The following KIF22 variants were observed in gnomAD, a reference collection of about 807,000 sequenced individuals.
KIF22 encodes the protein kinesin-like protein KIF22.
A neutral mutation model predicts 73.0 loss-of-function variants in KIF22; 62 were observed. That is an observed-to-expected ratio of 0.85 (90% CI 0.69 to 1.05). The LOEUF is 1.05. KIF22 is among the 50% of genes least tolerant of loss of function. The pLI is 0.00. For synonymous variants in KIF22, 411 were observed against 340.1 expected (o/e 1.21, Z -2.29); for missense variants, 854 against 870.1 (o/e 0.98, Z 0.23).
intron 1 of KIF22, among the ~76,000 whole-genome samples, chr16:29,795,024 T>TCC (rs758343858): frequency 2.6e-4 from 40 of 152,334 alleles, no homozygotes; most frequent in Non-Finnish European, 4.6e-4. Flanking sequence ...ATTACTGACT[T>TCC]CCCCTTCCCC....
intron 10 of KIF22, 49 bp downstream of exon 10, chr16:29,803,657 AAGGG>A: frequency 6.9e-7 from 1 of 1,447,962 alleles, no homozygotes; most frequent in Non-Finnish European, 9.5e-7. Context: ...GAGATCCTAT[AAGGG>A]AGGAAGTGTT....
rs774254625 is a variant in KIF22, at chr16:29,805,287, G to C, written c.1975G>C (p.Gly659Arg). ...LKANILGLAA[G>R]QRCGAS ...GGCAAACATCCTGGGTCTCGCCGCC[G>C]GCCAGCGCTGTGGCGCCTCCTGACC... The change falls in exon 14 of 14, where the codon GGC becomes CGC. Residue 659 changes from glycine to arginine, a missense_variant. By Grantham distance (125) the Gly-to-Arg change is moderately radical. Around this residue, in one of 3 missense-constraint regions of KIF22, gnomAD observed 423 missense variants for 365.4 expected, o/e 1.16. Coordinates refer to ENST00000160827, the MANE Select transcript of KIF22 (RefSeq NM_007317.3). The C allele has an allele frequency of 5.0e-6, 8 of 1,613,776 alleles. No individual in the cohort carries two copies. The highest frequency in any genetic ancestry group is 3.3e-5 in the Admixed American group (2 of 60,030).
chr16:29,793,508 A>G (rs1898872690), intron 1 of KIF22, among the ~76,000 whole-genome samples: 1 of 152,210 alleles, frequency 6.6e-6, no homozygotes, highest in African/African-American at 2.4e-5. Context: ...AACGTGCAAT[A>G]GGACTTATCA....
intron 11 of KIF22, chr16:29,804,364 A>G (rs567714599): frequency 1.7e-6 from 1 of 601,728 alleles, no homozygotes; most frequent in East Asian, 2.7e-5. Context: ...TAAGCAGTCA[A>G]GCAAGAAACC....
At position 29,797,877 on chromosome 16, in the gene KIF22, C is replaced by G. The variant is rs1400024273; in HGVS notation, c.267-497C>G. ...TGGATAGGTGATTGGTATGTAGAGT[C>G]TAGTTCAGTCATAAGCAGCATCCTC... On this transcript the variant is annotated intron_variant, in intron 2 of 13. Coordinates refer to ENST00000160827, the MANE Select transcript of KIF22 (RefSeq NM_007317.3). This position sits in a 1 kb window ranked among gnomAD's most constrained non-coding sequence, Gnocchi z 4.1. Among the ~76,000 whole-genome samples, 1 of 152,170 alleles carries G rather than the reference C, an allele frequency of 6.6e-6. No homozygotes were observed. Among genetic ancestry groups the G allele is most frequent in the Non-Finnish European group, 1.5e-5 (1 of 68,040 alleles).
At chr16:29,795,887 CAAGAG>C (rs1339191346) in intron 1 of KIF22, among the ~76,000 whole-genome samples, 1 of 152,096 alleles carries the variant, frequency 6.6e-6, no homozygotes, top group Non-Finnish European at 1.5e-5. Flanking sequence ...AATTCCCCAT[CAAGAG>C]AAGATCATCA....
At chr16:29,802,664 G>A (rs1899181796) in intron 8 of KIF22, 105 bp from the exon 9 acceptor site, 9 of 1,088,636 alleles carry the variant, frequency 8.3e-6, no homozygotes, top group Non-Finnish European at 1.2e-5. Flanking sequence ...ATTAGGTTCT[G>A]GAGCTACAGG....
At position 29,805,371 on chromosome 16, in the gene KIF22, G is replaced by C. The variant is rs1899352159; in HGVS notation, c.*61G>C. 3 of 1,553,190 alleles carry C rather than the reference G, an allele frequency of 1.9e-6. No individual in the cohort carries two copies. In the South Asian group the frequency reaches 3.3e-5, roughly 17 times the overall value. The stretch of plus-strand genomic sequence containing the variant: ...TATAACCCCGTGTTGTGTAAATACA[G>C]TTTTTGCTCCGGTGCTTCCGCCTGA... On this transcript the variant is annotated 3_prime_UTR_variant, in exon 14 of 14. Coordinates refer to ENST00000160827, the MANE Select transcript of KIF22 (RefSeq NM_007317.3).
chr16:29,798,991 A>G lies in KIF22; in HGVS notation c.566A>G (p.Asp189Gly), dbSNP rs1445347478. 2 of 1,614,154 alleles carry G rather than the reference A, an allele frequency of 1.2e-6. No homozygotes were observed. Among genetic ancestry groups the G allele is most frequent in the East Asian group, 4.5e-5 (2 of 44,888 alleles). ...CTTACACAGGTATTAGACCTCCTGG[A>G]CCCTGCTTCGGGAGACCTGGTAATC... ...IYQEKVLDLL[D>G]PASGDLVIRE... Residue 189 changes from aspartate to glycine, a missense_variant, in exon 5 of 14, where the codon GAC (aspartate) becomes GGC (glycine). This residue lies in a region of KIF22 where 245 missense variants were observed against 351.8 expected (regional missense o/e 0.70). Transcript: ENST00000160827. This position sits in a 1 kb window ranked among gnomAD's most constrained non-coding sequence, Gnocchi z 4.1.
rs1183207775 is a variant in KIF22 at position 29,804,861 on chromosome 16, C to T, written c.1725C>T (p.Cys575=). The T allele has an allele frequency of 6.2e-7, 1 of 1,613,680 alleles. No individual in the cohort carries two copies. The highest frequency in any genetic ancestry group is 8.5e-7 in the Non-Finnish European group (1 of 1,179,872). The change falls in exon 12 of 14, where the codon TGC becomes TGT. Residue 575 remains cysteine, a synonymous_variant. Transcript: ENST00000160827. The stretch of plus-strand genomic sequence containing the variant: ...AGCCTGAGGAGAAGGCTGAGGACTG[C>T]TGGGAGCTACAGATCAGCCCGGAGC... ...ALEPEEKAED[C]WELQISPELL...
chr16:29,800,116 G>A (rs1368086993), intron 8 of KIF22, 68 bp downstream of exon 8: 48 of 1,499,374 alleles, frequency 3.2e-5, no homozygotes, highest in East Asian at 6.8e-5. Flanking sequence ...TGCAATGCCC[G>A]TCAGATCCTT....
At position 29,798,470 on chromosome 16, in the gene KIF22, C is replaced by T; in HGVS notation, c.363C>T (p.Ala121=). 1 of 1,614,174 alleles carries T rather than the reference C, an allele frequency of 6.2e-7. No homozygotes were observed. The highest frequency in any genetic ancestry group is 8.5e-7 in the Non-Finnish European group (1 of 1,180,058). ...ILRHLLEGQN[A]SVLAYGPTGA... is the part of the protein sequence containing the mutation. ...GGCACTTGCTGGAAGGGCAGAATGC[C>T]AGTGTGCTTGCCTATGGACCCACAG... The change falls in exon 3 of 14, where the codon GCC becomes GCT. Residue 121 remains alanine (A), a synonymous_variant. Transcript: ENST00000160827. This position sits in a 1 kb window ranked among gnomAD's most constrained non-coding sequence, Gnocchi z 4.1.
At position 29,797,949 on chromosome 16, in the gene KIF22, CA is replaced by C. The variant is rs200893411; in HGVS notation, c.267-424del. Among the ~76,000 whole-genome samples, 1,404 of 152,302 alleles carry C rather than the reference CA, an allele frequency of 9.2e-3. 22 individuals carry two copies. Among genetic ancestry groups the C allele is most frequent in the African/African-American group, 0.032 (1,323 of 41,558 alleles). On this transcript the variant is annotated intron_variant, in intron 2 of 13. Transcript: ENST00000160827. The surrounding 1 kb of genome is among the most constrained non-coding windows in gnomAD (Gnocchi z 4.1). ...AAATACAATGTTCTACACATGTAGC[CA>C]TTTGAAAAAGACTGGGAAGCCTTGC... is the stretch of plus-strand genomic sequence containing the variant.
intron 8 of KIF22, among the ~76,000 whole-genome samples, chr16:29,801,585 G>T (rs1186958773): frequency 6.6e-6 from 1 of 152,210 alleles, no homozygotes; most frequent in East Asian, 1.9e-4. Flanking sequence ...CTCTGAGTAA[G>T]GGGAAGCTCA....
At chr16:29,802,325 C>A (rs1899170353) in intron 8 of KIF22, among the ~76,000 whole-genome samples, 1 of 148,612 alleles carries the variant, frequency 6.7e-6, no homozygotes, top group Non-Finnish European at 1.5e-5. Context: ...CAGAGTCAGT[C>A]AGGACTGCTT....
intron 11 of KIF22, chr16:29,804,544 T>C (rs1899278076): frequency 1.5e-6 from 1 of 675,014 alleles, no homozygotes; most frequent in Non-Finnish European, 2.7e-6. Context: ...TATTTTGTGC[T>C]TTACATTCAT....
intron 8 of KIF22, among the ~76,000 whole-genome samples, chr16:29,802,220 A>G (rs912988586): frequency 4.9e-5 from 7 of 143,744 alleles, no homozygotes; most frequent in Non-Finnish European, 9.0e-5. Context: ...GTGAGCTGTG[A>G]TCTCAACACT....
chr16:29,792,166 G>GCAAAAGAGGCC (rs1367105954), intron 1 of KIF22, among the ~76,000 whole-genome samples: 1 of 13,360 alleles, frequency 7.5e-5, no homozygotes, highest in Non-Finnish European at 1.5e-3. Context: ...TATTTATGAT[G>GCAAAAGAGGCC]TAAGATGCTC....
At chr16:29,795,614 T>C (rs1409775678) in intron 1 of KIF22, among the ~76,000 whole-genome samples, 1 of 152,212 alleles carries the variant, frequency 6.6e-6, no homozygotes, top group South Asian at 2.1e-4. Flanking sequence ...TGAATTCCAC[T>C]ATGAGCTACA....
Sources: allele counts gnomAD v4.1 joint callset (sites outside exome capture counted in the v4.1 genomes callset), GRCh38; gene constraint gnomAD v4.1.1; regional missense constraint gnomAD v4.1.1; non-coding constraint Gnocchi (gnomAD v3.1); transcripts MANE v1.5; gene names NCBI Gene and HGNC (gene_info 2026-07-23, HGNC 2026-07-21).